Variants in IQCM observed in about 807,000 individuals in gnomAD.
IQCM encodes IQ motif containing M, also known as IQ domain-containing protein M.
IQCM carries 45 observed loss-of-function variants against 57.6 expected under a neutral mutation model. That is an observed-to-expected ratio of 0.78 (90% CI 0.62 to 1.00). IQCM has a LOEUF of 1.00. Ranked by LOEUF, IQCM falls within the 50% of genes least tolerant of loss-of-function variation. The pLI, the probability that IQCM is intolerant of heterozygous loss-of-function variation, is 0.00. For missense variants in IQCM, 468 were observed against 511.6 expected, an observed-to-expected ratio of 0.91 and a Z score of 0.82; for synonymous variants, 148 against 158.9, an observed-to-expected ratio of 0.93 and a Z score of 0.51.
chr4:149,588,654 C>A (rs759890941), intron 8 of IQCM, among the ~76,000 whole-genome samples: 16 of 151,782 alleles, frequency 1.1e-4, no homozygotes, highest in Non-Finnish European at 8.8e-5. Context: ...CACGTGAGGA[C>A]ACAATAAGAA....
At position 149,553,180 on chromosome 4, in the gene IQCM, G is replaced by A. The variant is rs1336432940; in HGVS notation, c.1056C>T (p.Asn352=). ...CCATCCACTCCTCTAGCTCTGCTAA[G>A]TTGAGAATTTGTCTTGTCCTCCAAA... The part of the protein sequence containing the change: ...RGLWRTRQIL[N]LAELEEWMDR... The change falls in exon 11 of 14, where the codon AAC becomes AAT. Residue 352 remains asparagine (N), a synonymous_variant. Coordinates refer to ENST00000636793, the MANE Select transcript of IQCM (RefSeq NM_001363507.2). 9.7e-6 allele frequency: 12 copies of A among 1,231,856 alleles called. No homozygotes were observed. Among genetic ancestry groups the A allele is most frequent in the South Asian group, 4.1e-5 (1 of 24,318 alleles). 76.3% of individuals were successfully genotyped at this position (1,231,856 alleles called of 1,614,324 possible).
At chr4:149,483,614 C>A (rs1741147403) in intron 12 of IQCM, among the ~76,000 whole-genome samples, 1 of 151,642 alleles carries the variant, frequency 6.6e-6, no homozygotes, top group South Asian at 2.1e-4. Context: ...TAGTTTTATT[C>A]TATTGTGGGA....
At chr4:149,708,456 C>T (rs569590161) in intron 5 of IQCM, among the ~76,000 whole-genome samples, 1 of 151,074 alleles carries the variant, frequency 6.6e-6, no homozygotes, top group Non-Finnish European at 1.5e-5. Flanking sequence ...AAAAAAAAGA[C>T]AAGTATACCA....
chr4:149,621,244 T>C lies in IQCM; in HGVS notation c.566A>G (p.Asp189Gly). 1 of 1,221,176 alleles carries C rather than the reference T, an allele frequency of 8.2e-7. No individual in the cohort carries two copies. Among genetic ancestry groups the C allele is most frequent in the Non-Finnish European group, 1.0e-6 (1 of 977,944 alleles). 75.6% of individuals were successfully genotyped at this position (1,221,176 alleles called of 1,614,324 possible). A position where few individuals can be genotyped will look rare whatever the true frequency, so the allele number is the denominator to read the frequency against. ...TSNLELLKEP[D>G]KAFYDWRGFV... ...TCCTCTCCAGTCATAGAATGCTTTG[T>C]CTGTTAGAAATATCAATGCAGGTTA... is the stretch of plus-strand genomic sequence containing the variant. The change falls in exon 8 of 14, where the codon GAC becomes GGC. Residue 189 changes from aspartate to glycine, a missense_variant and splice_region_variant. Transcript: ENST00000636793.
intron 7 of IQCM, among the ~76,000 whole-genome samples, chr4:149,672,700 T>A (rs2150182299): frequency 6.6e-6 from 1 of 152,182 alleles, no homozygotes; most frequent in South Asian, 2.1e-4. Context: ...TGGAAAACAC[T>A]CTTCAGGATA....
At chr4:149,436,641 A>T (rs1735390225) in intron 12 of IQCM, among the ~76,000 whole-genome samples, 1 of 152,114 alleles carries the variant, frequency 6.6e-6, no homozygotes, top group Admixed American at 6.6e-5. Context: ...ATTTCATTAC[A>T]CATGTCATCC....
intron 7 of IQCM, among the ~76,000 whole-genome samples, chr4:149,644,143 C>T (rs566103763): frequency 6.6e-5 from 10 of 152,244 alleles, no homozygotes; most frequent in African/African-American, 2.4e-4. Flanking sequence ...AGATGCTCAG[C>T]ATCTCCTTTT....
At chr4:149,371,329 C>T (rs575517670) in intron 13 of IQCM, among the ~76,000 whole-genome samples, 16 of 152,318 alleles carry the variant, frequency 1.1e-4, no homozygotes, top group African/African-American at 3.4e-4. Context: ...CTGTGACCCA[C>T]TGCCACACTG....
chr4:149,638,738 T>C (rs991229873), intron 7 of IQCM, among the ~76,000 whole-genome samples: 8 of 152,202 alleles, frequency 5.3e-5, no homozygotes, highest in South Asian at 2.1e-4. Context: ...TAGCCAGTTA[T>C]CTAAATAGCA....
chr4:149,494,766 C>G (rs1742474838), intron 12 of IQCM, among the ~76,000 whole-genome samples: 1 of 152,020 alleles, frequency 6.6e-6, no homozygotes, highest in South Asian at 2.1e-4. Flanking sequence ...AGACAGCAAC[C>G]AGGGTTTAGA....
intron 13 of IQCM, among the ~76,000 whole-genome samples, chr4:149,420,499 A>G (rs1296646643): frequency 6.6e-6 from 1 of 151,978 alleles, no homozygotes; most frequent in African/African-American, 2.4e-5. Context: ...GGACAGGAAG[A>G]CCATTGGGAA....
chr4:149,443,966 A>T (rs889898177), intron 12 of IQCM, among the ~76,000 whole-genome samples: 3 of 151,918 alleles, frequency 2.0e-5, no homozygotes, highest in Non-Finnish European at 4.4e-5. Flanking sequence ...GGGGAGATTG[A>T]TAATTCAGGA....
chr4:149,626,372 TGTTA>T (rs1275078242), intron 7 of IQCM, among the ~76,000 whole-genome samples: 1 of 148,308 alleles, frequency 6.7e-6, no homozygotes, highest in Non-Finnish European at 1.5e-5. Context: ...CTTGTGATTG[TGTTA>T]GTTATACTTA....
intron 13 of IQCM, among the ~76,000 whole-genome samples, chr4:149,420,257 G>A (rs1734032804): frequency 6.6e-6 from 1 of 152,038 alleles, no homozygotes; most frequent in Admixed American, 6.6e-5. Context: ...GCCCATCAAT[G>A]ATAGACTAGA....
chr4:149,720,783 ATTATC>A (rs141665082), intron 5 of IQCM, among the ~76,000 whole-genome samples: 4,179 of 152,270 alleles, frequency 0.027, 373 homozygotes, highest in East Asian at 0.22. Flanking sequence ...CTCTCAAGAG[ATTATC>A]TCAAACTTAT....
At chr4:149,392,940 G>A (rs937612564) in intron 13 of IQCM, among the ~76,000 whole-genome samples, 3 of 152,018 alleles carry the variant, frequency 2.0e-5, no homozygotes, top group African/African-American at 7.2e-5. Flanking sequence ...GGAGGCTGAG[G>A]TGGGAGGACT....
chr4:149,800,338 G>A (rs1773493457), intron 2 of IQCM, among the ~76,000 whole-genome samples: 2 of 151,744 alleles, frequency 1.3e-5, no homozygotes, highest in Non-Finnish European at 2.9e-5. Flanking sequence ...TGTATAGAAG[G>A]AACATATCTC....
At chr4:149,778,737 A>C (rs1561265369) in intron 2 of IQCM, among the ~76,000 whole-genome samples, 1 of 152,156 alleles carries the variant, frequency 6.6e-6, no homozygotes, top group Non-Finnish European at 1.5e-5. Context: ...CACAAATATG[A>C]AAACAAATGA....
chr4:149,658,510 T>G (rs1188443823), intron 7 of IQCM, among the ~76,000 whole-genome samples: 1 of 152,158 alleles, frequency 6.6e-6, no homozygotes, highest in Non-Finnish European at 1.5e-5. Flanking sequence ...CATAAGAATT[T>G]TAAGATATTT....
Sources: gnomAD v4.1 joint callset for allele counts (sites outside exome capture counted in the v4.1 genomes callset) on GRCh38, gnomAD v4.1.1 for gene constraint, MANE v1.5 for transcripts, NCBI Gene and HGNC (gene_info 2026-07-23, HGNC 2026-07-21) for gene names.